The following CLASP2 variants were observed in gnomAD, a reference collection of about 807,000 sequenced individuals.
The protein encoded by CLASP2 is CLIP-associating protein 2.
A neutral mutation model predicts 194.4 loss-of-function variants in CLASP2; 47 were observed. That is an observed-to-expected ratio of 0.24 (90% CI 0.19 to 0.31). The LOEUF (loss-of-function observed/expected upper bound fraction) is 0.31. CLASP2 is among the 10% of genes least tolerant of loss of function. The pLI, the probability that CLASP2 is intolerant of heterozygous loss-of-function variation, is 1.00. For missense variants in CLASP2, 1,445 were observed against 1,823.6 expected (o/e 0.79, Z 3.78); for synonymous variants, 619 against 633.5 (o/e 0.98, Z 0.34).
In CLASP2 at chr3:33,626,979, A is replaced by G; in HGVS notation, c.1035+9T>C. On this transcript the variant is annotated intron_variant, in intron 10 of 38. Coordinates refer to ENST00000682230, the MANE Select transcript of CLASP2 (RefSeq NM_001365631.1). ...AAAGAAGATAAGAAAATTAAAGACA[A>G]AAACTTACTGCATTGGCACGCTGAT... 6.5e-7 allele frequency: 1 copy of G among 1,537,376 alleles called. No homozygotes were observed. Among genetic ancestry groups the G allele is most frequent in the Non-Finnish European group, 8.8e-7 (1 of 1,133,084 alleles).
chr3:33,562,061 A>G (rs1251232335), intron 27 of CLASP2, among the ~76,000 whole-genome samples: 1 of 152,198 alleles, frequency 6.6e-6, no homozygotes, highest in Non-Finnish European at 1.5e-5. Context: ...TTTAGAAATG[A>G]AGGATTTTCT....
chr3:33,715,272 T>C (rs1478266307), intron 1 of CLASP2, among the ~76,000 whole-genome samples: 1 of 152,240 alleles, frequency 6.6e-6, no homozygotes, highest in Non-Finnish European at 1.5e-5. Context: ...TACCTCTTTC[T>C]AATGCAATGG....
At chr3:33,696,799 A>G in intron 2 of CLASP2, 56 bp downstream of exon 2, 1 of 1,172,354 alleles carries the variant, frequency 8.5e-7, no homozygotes, top group Non-Finnish European at 1.2e-6. Flanking sequence ...AAACTAACGA[A>G]AAAAGTCATC....
intron 6 of CLASP2, among the ~76,000 whole-genome samples, chr3:33,669,015 G>T (rs114917702): frequency 1.3e-4 from 20 of 152,128 alleles, no homozygotes; most frequent in African/African-American, 4.8e-4. Flanking sequence ...TCTGATAAGA[G>T]GAAAATCAAA....
At chr3:33,682,460 G>A (rs1435040381) in intron 6 of CLASP2, among the ~76,000 whole-genome samples, 4 of 152,160 alleles carry the variant, frequency 2.6e-5, no homozygotes, top group African/African-American at 4.8e-5. Context: ...GGTAAATGAA[G>A]GTTCATTATT....
At chr3:33,632,263 T>A in intron 9 of CLASP2, 29 bp downstream of exon 9, 1 of 1,458,550 alleles carries the variant, frequency 6.9e-7, no homozygotes, top group Middle Eastern at 1.8e-4. Context: ...ACAGGCAATA[T>A]TCACGGGGAG....
intron 23 of CLASP2, among the ~76,000 whole-genome samples, chr3:33,577,494 G>T (rs1382288592): frequency 6.6e-6 from 1 of 151,500 alleles, no homozygotes; most frequent in Non-Finnish European, 1.5e-5. Flanking sequence ...GACAAAAGAA[G>T]TATTCAAATG....
chr3:33,622,848 C>A lies in CLASP2; in HGVS notation c.1036-568G>T, dbSNP rs1052741730. ...TTTGAGACAGTGTCTTGCTCTGTTG[C>A]CCAGGCTGGAATGCAGTGGTGCCAC... On this transcript the variant is annotated intron_variant, in intron 10 of 38. Transcript: ENST00000682230. Among the ~76,000 whole-genome samples, 43 of 151,260 alleles carry A rather than the reference C, an allele frequency of 2.8e-4. 1 individual carries two copies. The highest frequency in any genetic ancestry group is 1.0e-3 in the African/African-American group (43 of 41,178).
chr3:33,709,685 A>C (rs1253232326), intron 1 of CLASP2, among the ~76,000 whole-genome samples: 1 of 152,196 alleles, frequency 6.6e-6, no homozygotes, highest in Non-Finnish European at 1.5e-5. Flanking sequence ...TGACACCTTG[A>C]TTTTATCCCA....
chr3:33,585,003 A>C, intron 21 of CLASP2, 83 bp from the exon 22 acceptor site: 2 of 1,245,320 alleles, frequency 1.6e-6, no homozygotes, highest in Non-Finnish European at 2.2e-6. Flanking sequence ...AGAAATATTG[A>C]TAATACAGAG....
At chr3:33,571,015 ATT>A (rs1027731514) in intron 25 of CLASP2, among the ~76,000 whole-genome samples, 18 of 123,918 alleles carry the variant, frequency 1.5e-4, no homozygotes, top group South Asian at 2.6e-4. Context: ...GTCTCTATAA[ATT>A]TTTTTTTTTT....
chr3:33,611,951 G>T, intron 13 of CLASP2, 50 bp downstream of exon 13: 1 of 1,169,472 alleles, frequency 8.6e-7, no homozygotes, highest in Non-Finnish European at 1.3e-6. Flanking sequence ...ATTAAACAAT[G>T]CAGTATCAGA....
chr3:33,671,276 T>C (rs1399185130), intron 6 of CLASP2, among the ~76,000 whole-genome samples: 1 of 152,026 alleles, frequency 6.6e-6, no homozygotes, highest in East Asian at 1.9e-4. Flanking sequence ...ACCAACACAT[T>C]ACTAAAGGCC....
chr3:33,660,155 C>CA (rs1433592764), intron 7 of CLASP2, among the ~76,000 whole-genome samples: 1 of 152,172 alleles, frequency 6.6e-6, no homozygotes, highest in African/African-American at 2.4e-5. Flanking sequence ...TTACAGCCAC[C>CA]AACACTGTTA....
At chr3:33,617,301 T>A (rs1039955078) in intron 12 of CLASP2, among the ~76,000 whole-genome samples, 2 of 152,076 alleles carry the variant, frequency 1.3e-5, no homozygotes, top group African/African-American at 4.8e-5. Context: ...GAAACAGACT[T>A]ACATATTTAT....
chr3:33,697,204 A>T (rs1188347483), intron 1 of CLASP2, among the ~76,000 whole-genome samples: 2 of 152,242 alleles, frequency 1.3e-5, no homozygotes, highest in Non-Finnish European at 2.9e-5. Flanking sequence ...AAGGTCACAC[A>T]GGAGTTTACT....
chr3:33,530,899 T>C (rs1444500802), intron 34 of CLASP2, among the ~76,000 whole-genome samples: 1 of 152,160 alleles, frequency 6.6e-6, no homozygotes. Context: ...AAGATACCAA[T>C]ATTATCCAAA....
At chr3:33,659,017 CAA>C in intron 7 of CLASP2, 1 of 1,535,790 alleles carries the variant, frequency 6.5e-7, no homozygotes, top group African/African-American at 1.4e-5. Context: ...TCTCTGAAAC[CAA>C]GAGGTCAAAT....
chr3:33,500,524 C>T (rs2046604531), intron 38 of CLASP2, among the ~76,000 whole-genome samples: 1 of 152,112 alleles, frequency 6.6e-6, no homozygotes. Flanking sequence ...TCACAGAACC[C>T]TCTGAAACGA....
Sources: allele counts gnomAD v4.1 joint callset (sites outside exome capture counted in the v4.1 genomes callset), GRCh38; gene constraint gnomAD v4.1.1; transcripts MANE v1.5; gene names NCBI Gene and HGNC (gene_info 2026-07-23, HGNC 2026-07-21).